GRIA1: variants seen among roughly 807,000 people sequenced by gnomAD.
GRIA1 encodes the protein glutamate receptor 1.
GRIA1 carries 31 observed loss-of-function variants against 99.2 expected under a neutral mutation model. The ratio of observed to expected loss-of-function variants is 0.31; its 90% confidence interval spans 0.23 to 0.42. GRIA1 has a LOEUF of 0.42. Ranked by LOEUF, GRIA1 falls within the 10% of genes least tolerant of loss-of-function variation. GRIA1 has a pLI of 1.00. For synonymous variants in GRIA1, 438 were observed against 432.4 expected, an observed-to-expected ratio of 1.01 and a Z score of -0.16; for missense variants, 782 against 1,157.5, an observed-to-expected ratio of 0.68 and a Z score of 4.71.
chr5:153,698,281 C>T (rs149890295), intron 9 of GRIA1, 127 bp downstream of exon 9: 15 of 520,942 alleles, frequency 2.9e-5, no homozygotes, highest in African/African-American at 1.3e-4. Flanking sequence ...AGCAGCAAGT[C>T]GAAAAGGGAA....
intron 14 of GRIA1, among the ~76,000 whole-genome samples, chr5:153,798,110 T>C (rs1765764915): frequency 6.6e-6 from 1 of 152,160 alleles, no homozygotes; most frequent in Non-Finnish European, 1.5e-5. Flanking sequence ...CCTGAATGTG[T>C]TCATGTTTGA....
rs563382847 is a variant in GRIA1 at position 153,638,210 on chromosome 5, G to T, written c.221-8718G>T. Among the ~76,000 whole-genome samples, 132 of 152,200 alleles carry T rather than the reference G, an allele frequency of 8.7e-4. 1 individual carries two copies. In the South Asian group the frequency reaches 0.012, roughly 13 times the overall value. ...TGAATAATAATATAAGCTTTATGAG[G>T]GCAAAGGCATCATCTGTCTTATTTA... On this transcript the variant is annotated intron_variant, in intron 2 of 15. Transcript: ENST00000285900.
intron 8 of GRIA1, among the ~76,000 whole-genome samples, chr5:153,687,124 C>A (rs1169063521): frequency 6.6e-6 from 1 of 152,150 alleles, no homozygotes; most frequent in East Asian, 1.9e-4. Context: ...CCTTCTCTGG[C>A]CTTTCTTATT....
intron 2 of GRIA1, among the ~76,000 whole-genome samples, chr5:153,598,017 G>A (rs956371008): frequency 6.6e-6 from 1 of 151,890 alleles, no homozygotes; most frequent in Non-Finnish European, 1.5e-5. Context: ...GTCTCAAAAA[G>A]AAGAAGATCA....
At chr5:153,621,687 T>C (rs2149423144) in intron 2 of GRIA1, among the ~76,000 whole-genome samples, 1 of 152,252 alleles carries the variant, frequency 6.6e-6, no homozygotes, top group South Asian at 2.1e-4. Context: ...CCCAAAGCAC[T>C]TTTTAAAAGA....
At chr5:153,519,178 G>T (rs746990267) in intron 2 of GRIA1, among the ~76,000 whole-genome samples, 1 of 151,990 alleles carries the variant, frequency 6.6e-6, no homozygotes, top group Non-Finnish European at 1.5e-5. Context: ...CAGGAGAATC[G>T]CTGGAATCGG....
chr5:153,563,446 A>C (rs990925965), intron 2 of GRIA1, among the ~76,000 whole-genome samples: 1 of 152,118 alleles, frequency 6.6e-6, no homozygotes, highest in Non-Finnish European at 1.5e-5. Flanking sequence ...TCCCCTTACA[A>C]GACTTTCTTT....
intron 2 of GRIA1, among the ~76,000 whole-genome samples, chr5:153,544,788 G>T (rs144073664): frequency 6.5e-4 from 99 of 152,296 alleles, no homozygotes; most frequent in African/African-American, 2.4e-3. Flanking sequence ...AAATGACGTT[G>T]GTGATAGTGA....
intron 2 of GRIA1, among the ~76,000 whole-genome samples, chr5:153,635,114 G>A (rs552060770): frequency 2.0e-5 from 3 of 152,156 alleles, no homozygotes; most frequent in African/African-American, 4.8e-5. Context: ...TACAGTGTAC[G>A]TTTGCTGGTT....
intron 13 of GRIA1, among the ~76,000 whole-genome samples, chr5:153,771,931 A>C (rs1763909104): frequency 1.3e-5 from 2 of 152,222 alleles, no homozygotes; most frequent in Admixed American, 6.5e-5. Context: ...CCAGAGTAAC[A>C]CACAGAAAGA....
At chr5:153,713,498 C>T (rs1345668068) in intron 11 of GRIA1, among the ~76,000 whole-genome samples, 4 of 152,182 alleles carry the variant, frequency 2.6e-5, no homozygotes, top group Admixed American at 2.6e-4. Context: ...GATGGTGAGA[C>T]CCAGAACCAG....
intron 7 of GRIA1, among the ~76,000 whole-genome samples, chr5:153,681,329 C>T (rs56361172): frequency 0.14 from 21,958 of 152,180 alleles, 1,686 homozygotes; most frequent in South Asian, 0.19. Flanking sequence ...CCACCTCCAA[C>T]GTCCAGGGTC....
chr5:153,770,990 A>T (rs1466654003), intron 13 of GRIA1, among the ~76,000 whole-genome samples: 1 of 152,232 alleles, frequency 6.6e-6, no homozygotes, highest in Non-Finnish European at 1.5e-5. Context: ...AGTTTGGTAA[A>T]GAAGCAGAGT....
chr5:153,793,498 G>T (rs1581666560), intron 13 of GRIA1, among the ~76,000 whole-genome samples: 1 of 152,218 alleles, frequency 6.6e-6, no homozygotes, highest in Non-Finnish European at 1.5e-5. Context: ...GGCATGTTAT[G>T]TCCTGAAAGA....
At chr5:153,578,428 C>G (rs34714217) in intron 2 of GRIA1, among the ~76,000 whole-genome samples, 1 of 151,960 alleles carries the variant, frequency 6.6e-6, no homozygotes, top group Non-Finnish European at 1.5e-5. Flanking sequence ...GAAGGACAAC[C>G]AGGGTAGCTG....
At chr5:153,692,081 A>G (rs927129011) in intron 8 of GRIA1, among the ~76,000 whole-genome samples, 1 of 152,126 alleles carries the variant, frequency 6.6e-6, no homozygotes, top group African/African-American at 2.4e-5. Flanking sequence ...ACTTTCCTCA[A>G]GTCACTTGCA....
intron 2 of GRIA1, among the ~76,000 whole-genome samples, chr5:153,534,893 C>G (rs1404939836): frequency 2.8e-5 from 4 of 141,364 alleles, no homozygotes; most frequent in African/African-American, 1.1e-4. Flanking sequence ...TCTAGAGAGG[C>G]ACAGGCCTTT....
intron 12 of GRIA1, among the ~76,000 whole-genome samples, chr5:153,765,126 G>C (rs1763430082): frequency 6.6e-6 from 1 of 152,176 alleles, no homozygotes; most frequent in African/African-American, 2.4e-5. Flanking sequence ...CCAGGAGAGA[G>C]AGAAAATGTG....
At chr5:153,689,287 A>G (rs1399360032) in intron 8 of GRIA1, among the ~76,000 whole-genome samples, 1 of 152,164 alleles carries the variant, frequency 6.6e-6, no homozygotes, top group Admixed American at 6.5e-5. Context: ...CCAAGCAGGC[A>G]AGCCTATTGC....
Sources: gnomAD v4.1 joint callset for allele counts (sites outside exome capture counted in the v4.1 genomes callset) on GRCh38, gnomAD v4.1.1 for gene constraint, MANE v1.5 for transcripts, NCBI Gene and HGNC (gene_info 2026-07-23, HGNC 2026-07-21) for gene names.